SH3BP5: variants seen among roughly 807,000 people sequenced by gnomAD.
SH3BP5 encodes the protein SH3 domain binding protein 5.
A neutral mutation model predicts 43.3 loss-of-function variants in SH3BP5; 22 were observed. That is an observed-to-expected ratio of 0.51 (90% CI 0.36 to 0.73). SH3BP5 has a LOEUF of 0.73. Among genes scored for constraint, SH3BP5 ranks in the 30% least tolerant of loss-of-function variants. The pLI is 0.00. For missense variants in SH3BP5, 529 were observed against 586.9 expected, an observed-to-expected ratio of 0.90 and a Z score of 1.02; for synonymous variants, 255 against 225.8, an observed-to-expected ratio of 1.13 and a Z score of -1.16.
intron 3 of SH3BP5, among the ~76,000 whole-genome samples, chr3:15,272,797 T>G (rs559779145): frequency 2.7e-4 from 41 of 152,268 alleles, no homozygotes; most frequent in Non-Finnish European, 4.7e-4. Flanking sequence ...GGCTAAACCT[T>G]CAACCAAAGT....
At chr3:15,337,207 C>T (rs943213487), upstream of SH3BP5, among the ~76,000 whole-genome samples, 2 of 150,604 alleles carry the variant, frequency 1.3e-5, no homozygotes, top group South Asian at 4.2e-4. Context: ...GCCTCAGCCT[C>T]CTGTGTAGCT....
chr3:15,336,430 A>T (rs757768267), upstream of SH3BP5, among the ~76,000 whole-genome samples: 27 of 152,266 alleles, frequency 1.8e-4, no homozygotes, highest in South Asian at 6.2e-4. Flanking sequence ...TGTATGAGAA[A>T]TTGACTCGGT....
At chr3:15,318,322 A>G (rs1391386855) in intron 2 of SH3BP5, among the ~76,000 whole-genome samples, 3 of 152,122 alleles carry the variant, frequency 2.0e-5, no homozygotes, top group Non-Finnish European at 4.4e-5. Context: ...GAACATCACC[A>G]TATTTAACCC....
intron 2 of SH3BP5, among the ~76,000 whole-genome samples, chr3:15,305,399 C>G (rs1448172294): frequency 6.6e-6 from 1 of 152,216 alleles, no homozygotes; most frequent in Non-Finnish European, 1.5e-5. Context: ...CATGCCAGAC[C>G]TGGTGCTGGG....
intron 3 of SH3BP5, among the ~76,000 whole-genome samples, chr3:15,291,279 G>A (rs1234139390): frequency 6.6e-6 from 1 of 152,118 alleles, no homozygotes. Context: ...GGGAGCCAGG[G>A]TTCCTCCACA....
chr3:15,332,060 A>C (rs1698624806), intron 1 of SH3BP5: 3 of 738,160 alleles, frequency 4.1e-6, no homozygotes, highest in Non-Finnish European at 6.3e-6. Context: ...GACTCCCCGC[A>C]ATAGAGTCAG....
At chr3:15,299,704 T>G (rs1474384148) in intron 3 of SH3BP5, among the ~76,000 whole-genome samples, 2 of 152,144 alleles carry the variant, frequency 1.3e-5, no homozygotes, top group Non-Finnish European at 2.9e-5. Context: ...TCTCACCATG[T>G]TGCCCAGGCT....
upstream of SH3BP5, among the ~76,000 whole-genome samples, chr3:15,336,120 G>C (rs1433427240): frequency 6.6e-6 from 1 of 152,112 alleles, no homozygotes; most frequent in Admixed American, 6.5e-5. Context: ...GGCGATAAGA[G>C]TGAAACTCCG....
chr3:15,272,347 G>A (rs960906513), intron 3 of SH3BP5, among the ~76,000 whole-genome samples: 1 of 152,212 alleles, frequency 6.6e-6, no homozygotes, highest in Non-Finnish European at 1.5e-5. Context: ...AACGCTGTAT[G>A]TGACAGTGCC....
At chr3:15,322,319 T>C (rs954703867) in intron 2 of SH3BP5, among the ~76,000 whole-genome samples, 2 of 152,216 alleles carry the variant, frequency 1.3e-5, no homozygotes, top group Non-Finnish European at 2.9e-5. Flanking sequence ...TGTATAGTTT[T>C]TTTTCCCCCA....
intron 3 of SH3BP5, among the ~76,000 whole-genome samples, chr3:15,277,563 C>A (rs1399959913): frequency 1.3e-5 from 2 of 152,130 alleles, no homozygotes. Flanking sequence ...GCCCTCATGC[C>A]TGCCTGAGCT....
intron 2 of SH3BP5, among the ~76,000 whole-genome samples, chr3:15,305,131 T>A (rs9852830): frequency 0.085 from 12,351 of 145,976 alleles, 725 homozygotes; most frequent in African/African-American, 0.19. Context: ...AAAAAAAAAA[T>A]TAATTCATTA....
At chr3:15,286,587 G>A (rs559328646) in intron 3 of SH3BP5, among the ~76,000 whole-genome samples, 46 of 152,106 alleles carry the variant, frequency 3.0e-4, no homozygotes, top group African/African-American at 8.0e-4. Flanking sequence ...TCACTCTGTC[G>A]CCCAGGCTAC....
intron 5 of SH3BP5, among the ~76,000 whole-genome samples, chr3:15,261,356 G>GACCAAACTCTT (rs1320951910): frequency 3.3e-5 from 5 of 152,202 alleles, no homozygotes; most frequent in Admixed American, 2.6e-4. Context: ...AGCCTAGGAG[G>GACCAAACTCTT]ACCAAACTCT....
At chr3:15,276,453 C>T (rs1223622525) in intron 3 of SH3BP5, among the ~76,000 whole-genome samples, 1 of 152,270 alleles carries the variant, frequency 6.6e-6, no homozygotes, top group East Asian at 1.9e-4. Context: ...GTGTGTACCC[C>T]CCGGAGTAAC....
intron 3 of SH3BP5, among the ~76,000 whole-genome samples, chr3:15,280,988 G>A (rs1281573678): frequency 6.6e-6 from 1 of 152,214 alleles, no homozygotes; most frequent in Non-Finnish European, 1.5e-5. Flanking sequence ...TATGCCGCAC[G>A]GTGGCAGAGA....
At chr3:15,313,371 G>A (rs961668228) in intron 2 of SH3BP5, among the ~76,000 whole-genome samples, 2 of 152,228 alleles carry the variant, frequency 1.3e-5, no homozygotes, top group Admixed American at 1.3e-4. Flanking sequence ...AATAACTGGA[G>A]TTAGGGAAAT....
intron 1 of SH3BP5, 174 bp downstream of exon 1, chr3:15,332,095 CCT>C: frequency 2.9e-6 from 3 of 1,028,100 alleles, no homozygotes; most frequent in Non-Finnish European, 4.2e-6. Context: ...GGCACTGTAG[CCT>C]CCTCATTGTG....
chr3:15,299,674 T>A (rs1297935601), intron 3 of SH3BP5, among the ~76,000 whole-genome samples: 1 of 151,910 alleles, frequency 6.6e-6, no homozygotes, highest in Non-Finnish European at 1.5e-5. Context: ...AAATTTTTTT[T>A]ATTTCATATA....
Sources: allele counts gnomAD v4.1 joint callset (sites outside exome capture counted in the v4.1 genomes callset), GRCh38; gene constraint gnomAD v4.1.1; transcripts MANE v1.5; gene names NCBI Gene and HGNC (gene_info 2026-07-23, HGNC 2026-07-21).